The following PDE1C variants were observed in gnomAD, a reference collection of about 807,000 sequenced individuals.
PDE1C encodes dual specificity calcium/calmodulin-dependent 3',5'-cyclic nucleotide phosphodiesterase 1C.
A neutral mutation model predicts 93.1 loss-of-function variants in PDE1C; 62 were observed. The ratio of observed to expected loss-of-function variants is 0.67; its 90% CI spans 0.54 to 0.82. PDE1C has a LOEUF of 0.82. Among genes scored for constraint, PDE1C ranks in the 40% least tolerant of loss-of-function variants. The pLI is 0.00. For missense variants in PDE1C, 742 were observed against 884.6 expected (o/e 0.84, Z 2.04); for synonymous variants, 325 against 310.1 (o/e 1.05, Z -0.50).
chr7:31,691,797 TAAAAAAAAAAAAA>T, the PDE1C span, among the ~76,000 whole-genome samples: 2 of 86,558 alleles, frequency 2.3e-5, no homozygotes, highest in Non-Finnish European at 4.4e-5. Flanking sequence ...ATGTAATGAT[TAAAAAAAAAAAAA>T]AAAAAAAAAA....
chr7:31,860,467 T>C (rs1296637140), intron 7 of PDE1C, among the ~76,000 whole-genome samples: 2 of 152,236 alleles, frequency 1.3e-5, no homozygotes, highest in African/African-American at 2.4e-5. Flanking sequence ...TAAAACTGTA[T>C]AAGTTTATAT....
chr7:31,705,729 T>C, the PDE1C span, among the ~76,000 whole-genome samples: 1 of 133,236 alleles, frequency 7.5e-6, no homozygotes, highest in Non-Finnish European at 1.7e-5. Context: ...TATGAAATGC[T>C]TCATGGACTG....
intron 1 of PDE1C, among the ~76,000 whole-genome samples, chr7:32,305,386 C>T (rs1236897820): frequency 6.6e-6 from 1 of 152,218 alleles, no homozygotes; most frequent in African/African-American, 2.4e-5. Flanking sequence ...AACTTACCTT[C>T]TCATTCCATT....
chr7:31,663,124 A>T, the PDE1C span, among the ~76,000 whole-genome samples: 1 of 152,050 alleles, frequency 6.6e-6, no homozygotes, highest in Non-Finnish European at 1.5e-5. Flanking sequence ...CCGTCTGTGA[A>T]TCCTCTTCAT....
chr7:31,665,880 A>G, the PDE1C span, among the ~76,000 whole-genome samples: 2 of 152,184 alleles, frequency 1.3e-5, no homozygotes, highest in African/African-American at 2.4e-5. Flanking sequence ...GTTGATGTTG[A>G]TTAGTAGTTT....
Position 32,208,717 on chromosome 7 carries a change from C to CCCCCT in PDE1C, c.136+771_136+772insAGGGG, listed in dbSNP as rs1554287478. 1.3e-3 allele frequency among the ~76,000 whole-genome samples: 198 copies of CCCCCT among 152,260 alleles called. 1 individual carries two copies. Among genetic ancestry groups the CCCCCT allele is most frequent in the African/African-American group, 4.6e-3 (190 of 41,542 alleles). On this transcript the variant is annotated intron_variant, in intron 2 of 18. Transcript: ENST00000396193. ...CTCATCCGTCTCTAGTATTTTCCCCCCCCTTCTTTGGAATCCAGGTTTTCG... is the reference window on the plus strand; with the variant it reads ...CTCATCCGTCTCTAGTATTTTCCCCCCCCCTCCCTTCTTTGGAATCCAGGTTTTCG...
the PDE1C span, among the ~76,000 whole-genome samples, chr7:31,670,393 C>T: frequency 1.3e-5 from 2 of 152,116 alleles, no homozygotes; most frequent in Admixed American, 1.3e-4. Context: ...ATTGAGCCAT[C>T]CCCCCTGCAC....
the PDE1C span, among the ~76,000 whole-genome samples, chr7:31,619,178 T>G: frequency 6.6e-6 from 1 of 152,224 alleles, no homozygotes; most frequent in African/African-American, 2.4e-5. Context: ...TCTTTGTAAG[T>G]ACAGGCAAGG....
intron 1 of PDE1C, among the ~76,000 whole-genome samples, chr7:32,368,664 T>A (rs1166494773): frequency 6.6e-6 from 1 of 152,094 alleles, no homozygotes; most frequent in African/African-American, 2.4e-5. Context: ...ATCTTAAAAT[T>A]TGTATGGAAT....
At chr7:31,945,949 G>A (rs990978192) in intron 2 of PDE1C, among the ~76,000 whole-genome samples, 2 of 152,002 alleles carry the variant, frequency 1.3e-5, no homozygotes, top group African/African-American at 4.8e-5. Context: ...TTGGATAGTT[G>A]ATTTCACTTT....
intron 1 of PDE1C, among the ~76,000 whole-genome samples, chr7:32,325,007 C>T (rs929848226): frequency 5.9e-5 from 9 of 152,212 alleles, no homozygotes; most frequent in African/African-American, 2.2e-4. Flanking sequence ...ATTTCCTAAA[C>T]TTATTTGACC....
intron 1 of PDE1C, among the ~76,000 whole-genome samples, chr7:32,424,666 G>C (rs1383859915): frequency 6.6e-6 from 1 of 152,032 alleles, no homozygotes; most frequent in South Asian, 2.1e-4. Flanking sequence ...ATATAAATTA[G>C]CTGGGTGTGT....
intron 1 of PDE1C, chr7:32,298,631 G>T: frequency 1.3e-6 from 2 of 1,592,610 alleles, no homozygotes; most frequent in East Asian, 2.3e-5. Flanking sequence ...AGGAGTCCGA[G>T]AGGGGTGGAA....
Position 31,824,847 on chromosome 7 carries a change from C to A in PDE1C, c.1406+20G>T. On this transcript the variant is annotated intron_variant, in intron 13 of 17. Coordinates refer to ENST00000396191, the MANE Select transcript of PDE1C (RefSeq NM_001191057.4). ...AGGACAGGCCAACCTCACCCTCAGC[C>A]CTCAAGCTTCCCCACTGACCTCGAA... 1.9e-6 allele frequency: 3 copies of A among 1,611,706 alleles called. No individual in the cohort carries two copies. The highest frequency in any genetic ancestry group is 3.4e-4 in the Middle Eastern group (2 of 5,872).
intron 1 of PDE1C, among the ~76,000 whole-genome samples, chr7:32,310,790 A>G (rs1036010854): frequency 2.0e-4 from 31 of 152,190 alleles, no homozygotes; most frequent in African/African-American, 4.3e-4. Flanking sequence ...AATGCCCACA[A>G]GAGAAAGCAG....
At chr7:31,766,167 G>A (rs747647474) in intron 17 of PDE1C, among the ~76,000 whole-genome samples, 1 of 152,040 alleles carries the variant, frequency 6.6e-6, no homozygotes, top group African/African-American at 2.4e-5. Flanking sequence ...GGCAGATCAC[G>A]AGGTCAGGAG....
At chr7:32,310,203 A>C (rs1041180056) in intron 1 of PDE1C, among the ~76,000 whole-genome samples, 53 of 152,070 alleles carry the variant, frequency 3.5e-4, no homozygotes, top group African/African-American at 1.1e-3. Context: ...AGAGCTAACT[A>C]TCCTAAATAT....
the PDE1C span, among the ~76,000 whole-genome samples, chr7:31,636,042 C>T: frequency 2.0e-5 from 3 of 152,138 alleles, no homozygotes; most frequent in Non-Finnish European, 2.9e-5. Context: ...TTTCACAGGG[C>T]AGCAGGAGAG....
intron 1 of PDE1C, among the ~76,000 whole-genome samples, chr7:32,267,066 C>T (rs1810628002): frequency 6.6e-6 from 1 of 152,230 alleles, no homozygotes. Context: ...ACTCGCCTGC[C>T]TCAGTTTCCC....
Sources: gnomAD v4.1 joint callset for allele counts (sites outside exome capture counted in the v4.1 genomes callset) on GRCh38, gnomAD v4.1.1 for gene constraint, MANE v1.5 for transcripts, NCBI Gene and HGNC (gene_info 2026-07-23, HGNC 2026-07-21) for gene names.